Variants in HMCN1 observed in about 807,000 individuals in gnomAD.
HMCN1 encodes hemicentin-1.
HMCN1 carries 321 observed loss-of-function variants against 625.9 expected under a neutral mutation model. The observed-to-expected ratio is 0.51, with a 90% confidence interval of 0.47 to 0.56. The LOEUF (loss-of-function observed/expected upper bound fraction) is 0.56, where lower values mean the gene tolerates loss of function less well. HMCN1 is among the 20% of genes least tolerant of loss of function. The pLI is 0.00. For missense variants in HMCN1, 6,588 were observed against 6,887.3 expected, an observed-to-expected ratio of 0.96 and a Z score of 1.54; for synonymous variants, 2,425 against 2,417.6, an observed-to-expected ratio of 1.00 and a Z score of -0.09.
intron 11 of HMCN1, among the ~76,000 whole-genome samples, chr1:185,946,682 T>G (rs893592822): frequency 1.3e-5 from 2 of 152,226 alleles, no homozygotes; most frequent in Non-Finnish European, 2.9e-5. Context: ...ATCAACCATA[T>G]TTTTTGTCTT....
At position 186,001,837 on chromosome 1, in the gene HMCN1, T is replaced by C; in HGVS notation, c.4348+96T>C. 6 of 1,024,916 alleles carry C rather than the reference T, an allele frequency of 5.9e-6. No homozygotes were observed. In the South Asian group the frequency reaches 7.1e-5, roughly 12 times the overall value. The allele number at this position is 1,024,916 out of a possible 1,614,324, so 63.5% of individuals were successfully genotyped here. On this transcript the variant is annotated intron_variant, in intron 28 of 106. Coordinates refer to ENST00000271588, the MANE Select transcript of HMCN1 (RefSeq NM_031935.3). ...GAAAAAGTAAAGAGAAAAAGATAAA[T>C]TGACAGAAAAACTATAGTTTCATTC...
At chr1:185,859,019 ATGTGTGTGTGTGTGTGTGTGTG>A (rs71101981) in intron 2 of HMCN1, among the ~76,000 whole-genome samples, 1 of 139,912 alleles carries the variant, frequency 7.1e-6, no homozygotes, top group Non-Finnish European at 1.5e-5. Flanking sequence ...TGGGTTAAAG[ATGTGTGTGTGTGTGTGTGTGTG>A]TGTGTGTGTG....
chr1:185,887,025 G>A (rs1571503360), intron 4 of HMCN1, among the ~76,000 whole-genome samples: 1 of 151,960 alleles, frequency 6.6e-6, no homozygotes, highest in African/African-American at 2.4e-5. Flanking sequence ...TGCTGCCTCG[G>A]CACTTCTGCT....
intron 52 of HMCN1, among the ~76,000 whole-genome samples, chr1:186,071,543 G>A (rs141710806): frequency 1.1e-4 from 17 of 152,276 alleles, no homozygotes; most frequent in African/African-American, 4.1e-4. Context: ...CGGCTAAGCT[G>A]CTGTTTGTCC....
chr1:185,968,349 C>T (rs72718867), intron 14 of HMCN1, among the ~76,000 whole-genome samples: 1 of 151,928 alleles, frequency 6.6e-6, no homozygotes, highest in Non-Finnish European at 1.5e-5. Context: ...CACTGCCACT[C>T]TTCTCACTAA....
At chr1:186,063,527 T>G (rs1657914340) in intron 48 of HMCN1, among the ~76,000 whole-genome samples, 1 of 151,452 alleles carries the variant, frequency 6.6e-6, no homozygotes, top group Non-Finnish European at 1.5e-5. Context: ...GTCTTTTCCT[T>G]CAATTCAATA....
chr1:185,773,635 G>T (rs1328505604), intron 1 of HMCN1, among the ~76,000 whole-genome samples: 1 of 152,090 alleles, frequency 6.6e-6, no homozygotes, highest in Non-Finnish European at 1.5e-5. Context: ...CTTGTTACAT[G>T]GGGCTATAAA....
At chr1:186,156,332 A>G (rs1451242804) in intron 97 of HMCN1, among the ~76,000 whole-genome samples, 1 of 152,218 alleles carries the variant, frequency 6.6e-6, no homozygotes, top group African/African-American at 2.4e-5. Flanking sequence ...TAATACATAC[A>G]AAGGCGCTTC....
chr1:185,908,816 G>A (rs1273062176), intron 4 of HMCN1, among the ~76,000 whole-genome samples: 1 of 148,366 alleles, frequency 6.7e-6, no homozygotes, highest in South Asian at 2.1e-4. Flanking sequence ...TTAGTATGCT[G>A]TAATATATTA....
chr1:185,750,733 T>C (rs1654750674), intron 1 of HMCN1, among the ~76,000 whole-genome samples: 1 of 152,146 alleles, frequency 6.6e-6, no homozygotes, highest in Non-Finnish European at 1.5e-5. Context: ...ATTTTTAATA[T>C]AGACTTATTT....
intron 1 of HMCN1, among the ~76,000 whole-genome samples, chr1:185,757,685 CATCT>C (rs1470199717): frequency 6.6e-6 from 1 of 152,076 alleles, no homozygotes; most frequent in Non-Finnish European, 1.5e-5. Context: ...GTACAAGTTT[CATCT>C]ATCTTAATCA....
At chr1:185,943,430 G>A (rs1668180891) in intron 11 of HMCN1, among the ~76,000 whole-genome samples, 2 of 152,200 alleles carry the variant, frequency 1.3e-5, no homozygotes, top group South Asian at 4.1e-4. Context: ...GAATTGCTTG[G>A]TGTGTAAGGA....
rs71101982 is a variant in HMCN1 at position 186,011,034 on chromosome 1, G to GTT, written c.4630+3759_4630+3760dup. On this transcript the variant is annotated intron_variant, in intron 30 of 106. Transcript: ENST00000271588. The stretch of plus-strand genomic sequence containing the variant: ...AATTGCAAATGTTCATCTGCTACTG[G>GTT]TTTTTTTTGTTTTTGTTTTTGCTTT... Among the ~76,000 whole-genome samples the GTT allele has an allele frequency of 5.8e-3, 883 of 151,832 alleles. 6 individuals carry two copies. Among genetic ancestry groups the GTT allele is most frequent in the Middle Eastern group, 0.027 (8 of 294 alleles).
Position 185,734,975 on chromosome 1 carries a change from A to G in HMCN1, c.196A>G (p.Ile66Val). Residue 66 changes from isoleucine (I) to valine (V), a missense_variant, in exon 1 of 107, where the codon ATT (isoleucine) becomes GTT (valine). By Grantham distance (29) the Ile-to-Val change is conservative. Around this residue, in one of 3 missense-constraint regions of HMCN1, gnomAD observed 4,628 missense variants for 4,853.1 expected, o/e 0.95. Coordinates refer to ENST00000271588, the MANE Select transcript of HMCN1 (RefSeq NM_031935.3). ...TCAGGTGATTGAAGGGGCTTCCAAA[A>G]TTTTGGAGACGTCTTTGAAAAGACC... ...LVQVIEGASK[I>V]LETSLKRPKR... 1.2e-6 allele frequency: 2 copies of G among 1,614,096 alleles called. No individual in the cohort carries two copies. Among genetic ancestry groups the G allele is most frequent in the South Asian group, 1.1e-5 (1 of 91,066 alleles).
chr1:185,755,846 G>T (rs1193826068), intron 1 of HMCN1, among the ~76,000 whole-genome samples: 1 of 152,162 alleles, frequency 6.6e-6, no homozygotes, highest in Non-Finnish European at 1.5e-5. Context: ...GAGAACCAAA[G>T]TTCTTTTCCC....
chr1:186,170,369 C>G (rs1652147864), intron 100 of HMCN1, among the ~76,000 whole-genome samples: 1 of 152,158 alleles, frequency 6.6e-6, no homozygotes, highest in South Asian at 2.1e-4. Context: ...TTAGTTCAAT[C>G]ATTGTGGAAG....
At position 186,029,674 on chromosome 1, in the gene HMCN1, C is replaced by T. The variant is rs140428749; in HGVS notation, c.5749+6521C>T. Among the ~76,000 whole-genome samples the T allele has an allele frequency of 2.8e-3, 421 of 151,704 alleles. 2 individuals carry two copies. Among genetic ancestry groups the T allele is most frequent in the African/African-American group, 9.3e-3 (385 of 41,458 alleles). ...TCATTTTGTTGATCTTTTCCAAGAA[C>T]CAGCTTTTGGTTTTGTTAATTTTCT... On this transcript the variant is annotated intron_variant, in intron 36 of 106. Coordinates refer to ENST00000271588, the MANE Select transcript of HMCN1 (RefSeq NM_031935.3).
chr1:186,064,534 G>A (rs776306827), intron 48 of HMCN1, among the ~76,000 whole-genome samples: 7 of 152,032 alleles, frequency 4.6e-5, no homozygotes, highest in Non-Finnish European at 1.0e-4. Flanking sequence ...ATGAGGCCAG[G>A]CACGGTGGCT....
chr1:185,920,174 C>T (rs1424910487), intron 6 of HMCN1, among the ~76,000 whole-genome samples: 2 of 152,170 alleles, frequency 1.3e-5, no homozygotes, highest in East Asian at 1.9e-4. Context: ...CATGAATTAA[C>T]ATCAGAGGCT....
Sources: gnomAD v4.1 joint callset for allele counts (sites outside exome capture counted in the v4.1 genomes callset) on GRCh38, gnomAD v4.1.1 for gene constraint, gnomAD v4.1.1 regional missense constraint, MANE v1.5 for transcripts, NCBI Gene and HGNC (gene_info 2026-07-23, HGNC 2026-07-21) for gene names.